ZNF804B: variants seen among roughly 807,000 people sequenced by gnomAD.
ZNF804B encodes the protein zinc finger protein 804B.
A neutral mutation model predicts 101.4 loss-of-function variants in ZNF804B; 80 were observed. The observed-to-expected ratio is 0.79, with a 90% CI of 0.66 to 0.95. The LOEUF (loss-of-function observed/expected upper bound fraction) is 0.95, where lower values mean the gene tolerates loss of function less well. ZNF804B is among the 40% of genes least tolerant of loss of function. ZNF804B has a pLI of 0.00. For synonymous variants in ZNF804B, 622 were observed against 558.8 expected, an observed-to-expected ratio of 1.11 and a Z score of -1.59; for missense variants, 1,673 against 1,561.9, an observed-to-expected ratio of 1.07 and a Z score of -1.20.
intron 1 of ZNF804B, among the ~76,000 whole-genome samples, chr7:89,148,362 T>A (rs1790821055): frequency 6.6e-6 from 1 of 152,042 alleles, no homozygotes; most frequent in Non-Finnish European, 1.5e-5. Flanking sequence ...GTGTATGGTA[T>A]AACTGTGGCT....
chr7:89,208,185 C>T lies in ZNF804B; in HGVS notation c.109-9970C>T, dbSNP rs1339525232. ...CAAGCTCTGCCTCCCAGGTTCATGC[C>T]GTTCTCCTGCCTCAGCCTCCCGAGT... On this transcript the variant is annotated intron_variant, in intron 1 of 3. Coordinates refer to ENST00000333190, the MANE Select transcript of ZNF804B (RefSeq NM_181646.5). Among the ~76,000 whole-genome samples, 4 of 151,560 alleles carry T rather than the reference C, an allele frequency of 2.6e-5. No individual in the cohort carries two copies. In the South Asian group the frequency reaches 8.3e-4, roughly 31 times the overall value.
chr7:89,336,760 C>A lies in ZNF804B; in HGVS notation c.3778C>A (p.Pro1260Thr). The A allele has an allele frequency of 6.2e-7, 1 of 1,614,066 alleles. No individual in the cohort carries two copies. Among genetic ancestry groups the A allele is most frequent in the Non-Finnish European group, 8.5e-7 (1 of 1,180,006 alleles). The change falls in exon 4 of 4, where the codon CCC becomes ACC. Residue 1260 changes from proline (P) to threonine (T), a missense_variant. Transcript: ENST00000333190. ...TLTPTIIPAH[P>T]TFLAGHPLHL... ...GACTCCAACCATTATCCCTGCACAC[C>A]CCACTTTCTTAGCAGGTCATCCCCT... is the stretch of plus-strand genomic sequence containing the variant.
At chr7:89,293,743 T>G (rs1329986453) in intron 2 of ZNF804B, among the ~76,000 whole-genome samples, 1 of 151,522 alleles carries the variant, frequency 6.6e-6, no homozygotes, top group African/African-American at 2.4e-5. Flanking sequence ...GAGCCGAGAT[T>G]GTGCCACTGC....
In ZNF804B at chr7:89,308,928, A is replaced by T. The variant is rs74700849; in HGVS notation, c.250-18416A>T. Among the ~76,000 whole-genome samples, 1,064 of 152,310 alleles carry T rather than the reference A, an allele frequency of 7.0e-3. 11 individuals are homozygous for T. Among genetic ancestry groups the T allele is most frequent in the African/African-American group, 0.025 (1,028 of 41,566 alleles). ...TGCTGACTCCTACCTGTAACACAACATGCCTAAGAAGAAACTAATCCTAAA... is the reference window on the plus strand; with the variant it reads ...TGCTGACTCCTACCTGTAACACAACTTGCCTAAGAAGAAACTAATCCTAAA... On this transcript the variant is annotated intron_variant, in intron 2 of 3. Coordinates refer to ENST00000333190, the MANE Select transcript of ZNF804B (RefSeq NM_181646.5).
At chr7:89,332,898 C>T (rs1024761842) in intron 3 of ZNF804B, among the ~76,000 whole-genome samples, 7 of 151,642 alleles carry the variant, frequency 4.6e-5, no homozygotes, top group African/African-American at 1.4e-4. Flanking sequence ...ATTTTAAACC[C>T]AAGGAGCTAA....
At chr7:89,018,902 G>A (rs1174129922) in intron 1 of ZNF804B, among the ~76,000 whole-genome samples, 1 of 151,860 alleles carries the variant, frequency 6.6e-6, no homozygotes, top group Admixed American at 6.6e-5. Flanking sequence ...TCTAGCTAAT[G>A]GTTTATTGAA....
chr7:88,938,272 G>T (rs1025328102), intron 1 of ZNF804B, among the ~76,000 whole-genome samples: 2 of 151,992 alleles, frequency 1.3e-5, no homozygotes, highest in African/African-American at 4.8e-5. Flanking sequence ...TCTTATAATG[G>T]CTGCCCTTAG....
At position 89,337,118 on chromosome 7, in the gene ZNF804B, A is replaced by C; in HGVS notation, c.*86A>C. ...CATTTAAAGAAGTCTGTCAATTATA[A>C]GATTTAAAATATTGCTGCCAATTCA... On this transcript the variant is annotated 3_prime_UTR_variant, in exon 4 of 4. Transcript: ENST00000333190. 7.5e-7 allele frequency: 1 copy of C among 1,325,726 alleles called. No homozygotes were observed. Among genetic ancestry groups the C allele is most frequent in the Non-Finnish European group, 1.0e-6 (1 of 981,554 alleles). The allele number at this position is 1,325,726 out of a possible 1,614,324, so 82.1% of individuals were successfully genotyped here. A position where few individuals can be genotyped will look rare whatever the true frequency, so the allele number is the denominator to read the frequency against.
At position 89,006,990 on chromosome 7, in the gene ZNF804B, G is replaced by A. The variant is rs116958016; in HGVS notation, c.109-211165G>A. Reference sequence around the variant, plus strand: ...GATGAAGTGCGTGTTGGCCTCCATCGTCTTCCAACTGTGTGCTTCTGGGCT... The same window carrying A: ...GATGAAGTGCGTGTTGGCCTCCATCATCTTCCAACTGTGTGCTTCTGGGCT... On this transcript the variant is annotated intron_variant, in intron 1 of 3. Transcript: ENST00000333190. Among the ~76,000 whole-genome samples, 743 of 152,156 alleles carry A rather than the reference G, an allele frequency of 4.9e-3. 4 individuals are homozygous for A. Among genetic ancestry groups the A allele is most frequent in the Non-Finnish European group, 7.8e-3 (528 of 68,004 alleles).
intron 1 of ZNF804B, among the ~76,000 whole-genome samples, chr7:88,845,299 G>GCACACACACACACACA (rs369657042): frequency 1.4e-3 from 196 of 138,498 alleles, no homozygotes; most frequent in African/African-American, 4.8e-3. Context: ...GCGCACGCGC[G>GCACACACACACACACA]CGCACACACA....
At chr7:89,273,314 C>T (rs1045865052) in intron 2 of ZNF804B, among the ~76,000 whole-genome samples, 11 of 149,554 alleles carry the variant, frequency 7.4e-5, no homozygotes, top group African/African-American at 2.7e-4. Context: ...GAAAGGAAGA[C>T]AATAAGCTTT....
At chr7:89,185,548 A>C (rs1788362907) in intron 1 of ZNF804B, among the ~76,000 whole-genome samples, 1 of 152,170 alleles carries the variant, frequency 6.6e-6, no homozygotes, top group African/African-American at 2.4e-5. Context: ...AAAGTAAGCT[A>C]CTAAAACGAC....
intron 1 of ZNF804B, among the ~76,000 whole-genome samples, chr7:88,788,730 G>T (rs1790338518): frequency 3.3e-5 from 5 of 152,076 alleles, no homozygotes; most frequent in African/African-American, 1.2e-4. Flanking sequence ...ATACAAACAT[G>T]TATTTGAAGT....
chr7:89,164,222 T>C (rs1199754431), intron 1 of ZNF804B, among the ~76,000 whole-genome samples: 1 of 152,068 alleles, frequency 6.6e-6, no homozygotes, highest in Non-Finnish European at 1.5e-5. Context: ...AAAATACCCC[T>C]TTCTTGACTA....
intron 1 of ZNF804B, among the ~76,000 whole-genome samples, chr7:89,022,836 T>C (rs1788688445): frequency 6.6e-6 from 1 of 152,100 alleles, no homozygotes; most frequent in Admixed American, 6.6e-5. Flanking sequence ...GAAATGCAAC[T>C]AGAAGGGAAA....
intron 1 of ZNF804B, among the ~76,000 whole-genome samples, chr7:89,080,740 G>T (rs953488374): frequency 2.0e-5 from 3 of 151,888 alleles, no homozygotes; most frequent in Non-Finnish European, 2.9e-5. Context: ...AGGAATAGGA[G>T]GTGACATCGA....
Position 89,180,433 on chromosome 7 carries a change from G to A in ZNF804B, c.109-37722G>A, listed in dbSNP as rs1198122822. Among the ~76,000 whole-genome samples, 6 of 152,022 alleles carry A rather than the reference G, an allele frequency of 3.9e-5. No homozygotes were observed. In the South Asian group the frequency reaches 8.3e-4, roughly 21 times the overall value. ...AGAGTGAGTCTTGCCCCATGTTCAC[G>A]CCCACCCCAGGCCAATGGTGGGTAC... On this transcript the variant is annotated intron_variant, in intron 1 of 3. Transcript: ENST00000333190.
At chr7:88,818,228 C>T (rs1391035704) in intron 1 of ZNF804B, among the ~76,000 whole-genome samples, 1 of 152,048 alleles carries the variant, frequency 6.6e-6, no homozygotes, top group African/African-American at 2.4e-5. Context: ...AGCTATTAAA[C>T]TTATTAGTCA....
At chr7:89,171,600 A>C (rs142283572) in intron 1 of ZNF804B, among the ~76,000 whole-genome samples, 1 of 151,786 alleles carries the variant, frequency 6.6e-6, no homozygotes, top group Non-Finnish European at 1.5e-5. Flanking sequence ...ACACCTGGCT[A>C]ATTTTTGTAG....
Sources: gnomAD v4.1 joint callset for allele counts (sites outside exome capture counted in the v4.1 genomes callset) on GRCh38, gnomAD v4.1.1 for gene constraint, MANE v1.5 for transcripts, NCBI Gene and HGNC (gene_info 2026-07-23, HGNC 2026-07-21) for gene names.